ROR2: variants seen among roughly 807,000 people sequenced by gnomAD.
ROR2 encodes tyrosine-protein kinase transmembrane receptor ROR2.
In ROR2, 33 loss-of-function variants were observed where a neutral mutation model predicts 74.9. That is an observed-to-expected ratio of 0.44 (90% CI 0.33 to 0.59). The LOEUF (loss-of-function observed/expected upper bound fraction) is 0.59. ROR2 is among the 20% of genes least tolerant of loss of function. The pLI is 0.02. For synonymous variants in ROR2, 586 were observed against 558.7 expected (o/e 1.05, Z -0.69); for missense variants, 1,216 against 1,313.8 (o/e 0.93, Z 1.15).
intron 1 of ROR2, among the ~76,000 whole-genome samples, chr9:91,931,575 G>C (rs1203548255): frequency 6.6e-6 from 1 of 152,020 alleles, no homozygotes; most frequent in African/African-American, 2.4e-5. Flanking sequence ...TCTTAACTGA[G>C]ATTATATCTA....
intron 1 of ROR2, among the ~76,000 whole-genome samples, chr9:91,923,302 G>A (rs1484533201): frequency 1.3e-5 from 2 of 152,210 alleles, no homozygotes. Flanking sequence ...CCAGCCACAT[G>A]TGGTATGTGG....
In ROR2 at chr9:91,730,963, C is replaced by T. The variant is rs192352426; in HGVS notation, c.1130G>A (p.Cys377Tyr). ...GCGTACGTTTTTATTCTGCGTAAAG[C>T]ACCAGGGGCCCTCCATCTGGCCTCC... is the stretch of plus-strand genomic sequence containing the variant. ...NPGGQMEGPW[C>Y]FTQNKNVRME... The change falls in exon 7 of 9, where the codon TGC becomes TAC. Residue 377 changes from cysteine to tyrosine, a missense_variant. Coordinates refer to ENST00000375708, the MANE Select transcript of ROR2 (RefSeq NM_004560.4). 2.5e-6 allele frequency: 4 copies of T among 1,614,096 alleles called. No individual in the cohort carries two copies. The African/African-American group carries it at 4.0e-5, about 16-fold the overall frequency.
chr9:91,754,204 T>C (rs1825670189), intron 4 of ROR2, among the ~76,000 whole-genome samples: 1 of 150,678 alleles, frequency 6.6e-6, no homozygotes, highest in Non-Finnish European at 1.5e-5. Flanking sequence ...TTTATATAAA[T>C]ATATATATTT....
At chr9:91,865,093 C>G (rs2119314421) in intron 1 of ROR2, among the ~76,000 whole-genome samples, 1 of 152,186 alleles carries the variant, frequency 6.6e-6, no homozygotes, top group East Asian at 1.9e-4. Context: ...AAAGCTAAGG[C>G]TAAAAGTTTT....
At position 91,724,808 on chromosome 9, in the gene ROR2, G is replaced by C; in HGVS notation, c.1686C>G (p.His562Gln). Residue 562 changes from histidine (H) to glutamine (Q), a missense_variant, in exon 9 of 9, where the codon CAC (histidine) becomes CAG (glutamine). Physicochemically the swap from His to Gln is conservative, Grantham distance 24 (BLOSUM62 0). Transcript: ENST00000375708. ...IFSYCSHGDL[H>Q]EFLVMRSPHS... The stretch of plus-strand genomic sequence containing the variant: ...GCGGCGAGCGCATGACCAGGAATTC[G>C]TGGAGGTCGCCGTGCGAACAGTAGC... 1 of 1,608,786 alleles carries C rather than the reference G, an allele frequency of 6.2e-7. No individual in the cohort carries two copies. The highest frequency in any genetic ancestry group is 8.5e-7 in the Non-Finnish European group (1 of 1,176,016).
At chr9:91,877,006 C>G (rs1829975114) in intron 1 of ROR2, among the ~76,000 whole-genome samples, 1 of 152,230 alleles carries the variant, frequency 6.6e-6, no homozygotes, top group Admixed American at 6.5e-5. Context: ...CCAGGGTACA[C>G]AGAAGATCCC....
chr9:91,782,969 G>A (rs577727402), intron 1 of ROR2, among the ~76,000 whole-genome samples: 7 of 152,316 alleles, frequency 4.6e-5, no homozygotes, highest in Admixed American at 1.3e-4. Flanking sequence ...CAATGGAAAC[G>A]CCTTGTCTCA....
intron 1 of ROR2, among the ~76,000 whole-genome samples, chr9:91,906,850 A>G (rs962980000): frequency 1.3e-5 from 2 of 152,224 alleles, no homozygotes; most frequent in Non-Finnish European, 2.9e-5. Context: ...CCTAGAACTC[A>G]GTGGATTCAG....
intron 1 of ROR2, among the ~76,000 whole-genome samples, chr9:91,830,251 G>C (rs1477204519): frequency 6.6e-6 from 1 of 152,164 alleles, no homozygotes; most frequent in East Asian, 1.9e-4. Flanking sequence ...GATCGCCTGA[G>C]CCCAGGAGTT....
chr9:91,727,585 A>C (rs1029746397), intron 7 of ROR2, among the ~76,000 whole-genome samples: 5 of 152,192 alleles, frequency 3.3e-5, no homozygotes, highest in African/African-American at 1.2e-4. Context: ...AAGCAATTGA[A>C]TGTAAGACAA....
At position 91,726,757 on chromosome 9, in the gene ROR2, G is replaced by A; in HGVS notation, c.1184-14C>T. ...TGTCTCGGGGACCTGTGAACAATAA[G>A]GCTTTCGTGATTTTTCAGAAAACAT... On this transcript the variant is annotated splice_polypyrimidine_tract_variant and intron_variant, in intron 7 of 8. Transcript: ENST00000375708. The A allele has an allele frequency of 6.2e-7, 1 of 1,613,340 alleles. No homozygotes were observed. Among genetic ancestry groups the A allele is most frequent in the Non-Finnish European group, 8.5e-7 (1 of 1,179,552 alleles).
intron 2 of ROR2, among the ~76,000 whole-genome samples, chr9:91,763,169 C>G (rs1015958498): frequency 6.6e-6 from 1 of 152,074 alleles, no homozygotes; most frequent in Admixed American, 6.5e-5. Flanking sequence ...CCAGGGCCTA[C>G]GGGAGGACTG....
At chr9:91,883,148 G>A (rs1232731740) in intron 1 of ROR2, 1 of 152,154 alleles carries the variant, frequency 6.6e-6, no homozygotes, top group Admixed American at 6.5e-5. Flanking sequence ...ACCCAAATCT[G>A]AAACACTTCT....
At chr9:91,867,226 G>A (rs1211340150) in intron 1 of ROR2, among the ~76,000 whole-genome samples, 3 of 152,196 alleles carry the variant, frequency 2.0e-5, no homozygotes, top group Non-Finnish European at 4.4e-5. Flanking sequence ...GGAGCAGGGT[G>A]AAGATAAGTA....
chr9:91,806,653 G>T (rs564412719), intron 1 of ROR2, among the ~76,000 whole-genome samples: 4 of 152,110 alleles, frequency 2.6e-5, no homozygotes. Context: ...GCAGTGGCAC[G>T]ATCTCAGCTT....
At chr9:91,790,919 C>T (rs1587721759) in intron 1 of ROR2, among the ~76,000 whole-genome samples, 1 of 152,304 alleles carries the variant, frequency 6.6e-6, no homozygotes, top group East Asian at 1.9e-4. Context: ...TATCTTTATA[C>T]AGCTGTGCAT....
chr9:91,802,618 C>G (rs1224466378), intron 1 of ROR2, among the ~76,000 whole-genome samples: 2 of 152,156 alleles, frequency 1.3e-5, no homozygotes, highest in African/African-American at 4.8e-5. Flanking sequence ...ATGGAGAGAG[C>G]TGGGGAGAGA....
intron 1 of ROR2, among the ~76,000 whole-genome samples, chr9:91,949,580 G>A (rs1703999359): frequency 6.8e-6 from 1 of 147,458 alleles, no homozygotes; most frequent in Non-Finnish European, 1.5e-5. Flanking sequence ...ACTCCCACTC[G>A]CGACCCTCGG....
intron 1 of ROR2, among the ~76,000 whole-genome samples, chr9:91,842,473 C>T (rs908677057): frequency 1.2e-4 from 19 of 152,200 alleles, no homozygotes; most frequent in African/African-American, 4.6e-4. Flanking sequence ...AAATGCTGGC[C>T]CTTGGGGGCC....
Sources: gnomAD v4.1 joint callset for allele counts (sites outside exome capture counted in the v4.1 genomes callset) on GRCh38, gnomAD v4.1.1 for gene constraint, MANE v1.5 for transcripts, NCBI Gene and HGNC (gene_info 2026-07-23, HGNC 2026-07-21) for gene names.